PTPRT: variants seen among roughly 807,000 people sequenced by gnomAD.
The protein encoded by PTPRT is receptor-type tyrosine-protein phosphatase T.
Under a neutral mutation model 176.8 loss-of-function variants are expected in PTPRT, and 56 were observed. The ratio of observed to expected loss-of-function variants is 0.32; its 90% CI spans 0.26 to 0.40. PTPRT has a LOEUF of 0.40. Among genes scored for constraint, PTPRT ranks in the 10% least tolerant of loss-of-function variants. The pLI is 1.00. For synonymous variants in PTPRT, 783 were observed against 739.0 expected, an observed-to-expected ratio of 1.06 and a Z score of -0.96; for missense variants, 1,540 against 1,908.2, an observed-to-expected ratio of 0.81 and a Z score of 3.60.
At chr20:42,411,100 T>C (rs994611212) in intron 9 of PTPRT, among the ~76,000 whole-genome samples, 10 of 152,064 alleles carry the variant, frequency 6.6e-5, no homozygotes, top group Admixed American at 2.0e-4. Flanking sequence ...TGAGTGAACT[T>C]GAATATAGAA....
At chr20:42,869,981 C>A (rs776255615) in intron 2 of PTPRT, among the ~76,000 whole-genome samples, 28 of 152,132 alleles carry the variant, frequency 1.8e-4, no homozygotes, top group Non-Finnish European at 3.5e-4. Context: ...ATTCAAGCCA[C>A]CATCTTTGAA....
chr20:42,381,848 C>T lies in PTPRT; in HGVS notation c.1561-29563G>A, dbSNP rs1035196174. ...TACCTTCAACACAGAAAACCTGATA[C>T]GATTCAGACACAAACTCCATGCCTT... On this transcript the variant is annotated intron_variant, in intron 9 of 30. Transcript: ENST00000373187. Among the ~76,000 whole-genome samples the T allele has an allele frequency of 5.3e-5, 8 of 152,196 alleles. No individual in the cohort carries two copies. In the South Asian group the frequency reaches 6.2e-4, roughly 12 times the overall value.
intron 7 of PTPRT, among the ~76,000 whole-genome samples, chr20:42,636,079 T>C (rs1569040973): frequency 6.6e-6 from 1 of 152,170 alleles, no homozygotes; most frequent in African/African-American, 2.4e-5. Context: ...ATTTGAATAA[T>C]ATTAGGCTAC....
chr20:42,641,598 T>G (rs548056870), intron 7 of PTPRT, among the ~76,000 whole-genome samples: 1 of 152,216 alleles, frequency 6.6e-6, no homozygotes, highest in East Asian at 1.9e-4. Flanking sequence ...ACACTGTGAG[T>G]ATGCTTTGCC....
At chr20:43,095,220 G>A (rs1328503378) in intron 1 of PTPRT, among the ~76,000 whole-genome samples, 2 of 152,100 alleles carry the variant, frequency 1.3e-5, no homozygotes, top group African/African-American at 4.8e-5. Context: ...AGTGCCACTT[G>A]CAGGGTGGCC....
intron 1 of PTPRT, among the ~76,000 whole-genome samples, chr20:43,069,019 C>T (rs995574348): frequency 6.6e-6 from 1 of 152,144 alleles, no homozygotes; most frequent in Non-Finnish European, 1.5e-5. Context: ...ATAATGAGGT[C>T]ATGCATGCAG....
chr20:42,364,369 G>A (rs887627745), intron 9 of PTPRT, among the ~76,000 whole-genome samples: 7 of 151,986 alleles, frequency 4.6e-5, no homozygotes, highest in East Asian at 1.9e-4. Flanking sequence ...GGAAAGGAAC[G>A]AAAGGGAGGG....
intron 6 of PTPRT, among the ~76,000 whole-genome samples, chr20:42,700,816 G>T (rs1016848486): frequency 3.9e-5 from 6 of 152,040 alleles, no homozygotes; most frequent in African/African-American, 1.5e-4. Flanking sequence ...TACTATAACT[G>T]GAGATCTTAT....
rs555034551 is a variant in PTPRT at position 42,855,429 on chromosome 20, C to CTTTT, written c.214+30374_214+30377dup. On this transcript the variant is annotated intron_variant, in intron 2 of 30. Transcript: ENST00000373187. ...GAAAGAAGAGTAATCTATGTTCATG[C>CTTTT]TTTTTTTTTTTTTTTTTTTTTTGGA... Among the ~76,000 whole-genome samples the CTTTT allele has an allele frequency of 3.5e-4, 41 of 115,688 alleles. 2 individuals are homozygous for CTTTT. The highest frequency in any genetic ancestry group is 8.3e-4 in the African/African-American group (22 of 26,412). 75.9% of individuals were successfully genotyped at this position (115,688 alleles called of 152,430 possible).
intron 1 of PTPRT, among the ~76,000 whole-genome samples, chr20:43,102,676 C>T (rs2012443923): frequency 6.6e-6 from 1 of 152,140 alleles, no homozygotes; most frequent in Admixed American, 6.5e-5. Flanking sequence ...AGAATCATCC[C>T]TACTTCCTTA....
chr20:43,112,350 G>C (rs761869667), intron 1 of PTPRT, among the ~76,000 whole-genome samples: 3 of 152,116 alleles, frequency 2.0e-5, no homozygotes, highest in Non-Finnish European at 2.9e-5. Flanking sequence ...TGTAGAAATG[G>C]GATCCTCTTT....
At chr20:42,766,396 T>C (rs879197933) in intron 5 of PTPRT, among the ~76,000 whole-genome samples, 1 of 152,226 alleles carries the variant, frequency 6.6e-6, no homozygotes, top group Admixed American at 6.5e-5. Flanking sequence ...CTATCATCCT[T>C]TTCCCTGATT....
chr20:42,647,130 C>T (rs1600542567), intron 7 of PTPRT, among the ~76,000 whole-genome samples: 1 of 151,856 alleles, frequency 6.6e-6, no homozygotes, highest in East Asian at 1.9e-4. Context: ...CTCCTGGGCT[C>T]AAGTGACCCC....
intron 1 of PTPRT, among the ~76,000 whole-genome samples, chr20:43,185,555 T>G (rs2015370226): frequency 1.3e-5 from 2 of 152,198 alleles, no homozygotes; most frequent in Admixed American, 6.5e-5. Flanking sequence ...ATGGCCAGAT[T>G]TACTAGTGTC....
intron 16 of PTPRT, among the ~76,000 whole-genome samples, chr20:42,190,905 C>A (rs1342927401): frequency 1.3e-5 from 2 of 152,164 alleles, no homozygotes; most frequent in Admixed American, 6.5e-5. Flanking sequence ...CCATTTAAAG[C>A]TACAAAGCCT....
chr20:42,572,242 T>C (rs113341807), intron 7 of PTPRT, among the ~76,000 whole-genome samples: 164 of 152,314 alleles, frequency 1.1e-3, no homozygotes, highest in African/African-American at 3.8e-3. Flanking sequence ...CACCTCTTAA[T>C]ACCATCACCA....
At chr20:42,414,928 T>C (rs188166744) in intron 9 of PTPRT, among the ~76,000 whole-genome samples, 236 of 152,276 alleles carry the variant, frequency 1.5e-3, no homozygotes, top group Non-Finnish European at 1.8e-3. Context: ...CAGAAAGTGT[T>C]TGAAAAAGAT....
chr20:42,862,496 T>G (rs2078679908), intron 2 of PTPRT, among the ~76,000 whole-genome samples: 1 of 152,136 alleles, frequency 6.6e-6, no homozygotes, highest in Non-Finnish European at 1.5e-5. Context: ...GTCCACCTGC[T>G]GAGTCTCCCA....
intron 1 of PTPRT, among the ~76,000 whole-genome samples, chr20:43,000,575 T>C (rs2146128276): frequency 6.6e-6 from 1 of 152,244 alleles, no homozygotes; most frequent in Middle Eastern, 3.4e-3. Context: ...AGTTAAATCA[T>C]AAGTTCACTG....
Sources: allele counts gnomAD v4.1 joint callset (sites outside exome capture counted in the v4.1 genomes callset), GRCh38; gene constraint gnomAD v4.1.1; transcripts MANE v1.5; gene names NCBI Gene and HGNC (gene_info 2026-07-23, HGNC 2026-07-21).